HOGA1: variants seen among roughly 807,000 people sequenced by gnomAD.
HOGA1 encodes the protein 4-hydroxy-2-oxoglutarate aldolase, mitochondrial.
In HOGA1, 30 loss-of-function variants were observed where a neutral mutation model predicts 34.3. That is an observed-to-expected ratio of 0.87 (90% CI 0.65 to 1.19). The LOEUF is 1.19. Ranked by LOEUF, HOGA1 falls within the 50% of genes most tolerant of loss-of-function variation. The probability of loss-of-function intolerance (pLI) is 0.00; values close to 1 mark genes in which losing one functional copy is unlikely to be tolerated. For synonymous variants in HOGA1, 161 were observed against 174.0 expected, an observed-to-expected ratio of 0.93 and a Z score of 0.59; for missense variants, 417 against 436.5, an observed-to-expected ratio of 0.96 and a Z score of 0.40.
At chr10:97,590,023 T>G (rs773513735) in intron 1 of HOGA1, 2 of 1,614,180 alleles carry the variant, frequency 1.2e-6, no homozygotes, top group East Asian at 4.5e-5. Context: ...TTAGCCGCCT[T>G]TCCGAAGAGA....
chr10:97,602,023 G>A (rs201986855), intron 6 of HOGA1, 33 bp downstream of exon 6: 19 of 1,591,128 alleles, frequency 1.2e-5, no homozygotes, highest in Admixed American at 8.9e-5. Context: ...GCGGCCTGGC[G>A]GGGGGTGGGC....
intron 6 of HOGA1, among the ~76,000 whole-genome samples, chr10:97,606,293 C>G (rs142006895): frequency 6.6e-6 from 1 of 150,738 alleles, no homozygotes; most frequent in South Asian, 2.1e-4. Context: ...AGTGAGACTC[C>G]ATCTCAGGGA....
Position 97,611,679 on chromosome 10 carries a change from C to T in HOGA1, c.*20C>T, listed in dbSNP as rs754943111. ...CTCTGAGGGCAGGCAGGGTCCATGG[C>T]TGGCCTGAGCCCATCTCAGCCTCCT... On this transcript the variant is annotated 3_prime_UTR_variant, in exon 7 of 7. Coordinates refer to ENST00000370646, the MANE Select transcript of HOGA1 (RefSeq NM_138413.4). 3.1e-6 allele frequency: 5 copies of T among 1,606,692 alleles called. No individual in the cohort carries two copies. In the Admixed American group the frequency reaches 8.5e-5, roughly 27 times the overall value.
At chr10:97,605,121 AC>A (rs2041147025) in intron 6 of HOGA1, among the ~76,000 whole-genome samples, 1 of 152,010 alleles carries the variant, frequency 6.6e-6, no homozygotes, top group Admixed American at 6.6e-5. Flanking sequence ...TTTCTGAGAA[AC>A]TGCTGGCTGG....
chr10:97,599,124 G>A lies in HOGA1; in HGVS notation c.376G>A (p.Ala126Thr), dbSNP rs1395953286. Residue 126 changes from alanine to threonine, a missense_variant, in exon 3 of 7, where the codon GCC becomes ACC. Coordinates refer to ENST00000370646, the MANE Select transcript of HOGA1 (RefSeq NM_138413.4). The stretch of plus-strand genomic sequence containing the variant: ...CACAGTGGAGATGACCGTCAGCATG[G>A]CCCAGGTCGGGGCTGACGCGGCCAT... The part of the protein sequence containing the change: ...QATVEMTVSM[A>T]QVGADAAMVV... 3.7e-6 allele frequency: 6 copies of A among 1,613,586 alleles called. No homozygotes were observed. The highest frequency in any genetic ancestry group is 3.4e-6 in the Non-Finnish European group (4 of 1,180,038).
At chr10:97,599,486 C>T (rs547608886) in intron 3 of HOGA1, 194 bp from the exon 4 acceptor site, 154 of 787,762 alleles carry the variant, frequency 2.0e-4, no homozygotes, top group African/African-American at 1.2e-3. Flanking sequence ...TAGAACTGTG[C>T]GTGGCATATG....
At chr10:97,590,381 G>T (rs774441181) in intron 1 of HOGA1, 1 of 1,614,070 alleles carries the variant, frequency 6.2e-7, no homozygotes, top group Admixed American at 1.7e-5. Flanking sequence ...AGAGTCCAAG[G>T]ACATCAACCA....
intron 1 of HOGA1, among the ~76,000 whole-genome samples, chr10:97,593,482 A>C (rs1195832370): frequency 6.6e-6 from 1 of 152,202 alleles, no homozygotes; most frequent in Non-Finnish European, 1.5e-5. Context: ...GTCTCAAAAA[A>C]AACATAAAAA....
intron 1 of HOGA1, among the ~76,000 whole-genome samples, chr10:97,588,193 TTC>T (rs1382802225): frequency 7.2e-6 from 1 of 138,468 alleles, no homozygotes; most frequent in Non-Finnish European, 1.6e-5. Flanking sequence ...TTTTTGTTTT[TTC>T]TTTCTTTTTT....
chr10:97,609,219 GA>G (rs1299878588), intron 6 of HOGA1, among the ~76,000 whole-genome samples: 1 of 152,126 alleles, frequency 6.6e-6, no homozygotes, highest in Non-Finnish European at 1.5e-5. Flanking sequence ...CTCTGAAAAC[GA>G]AGGTCCCAGA....
At chr10:97,597,450 CG>C (rs2041080286) in intron 1 of HOGA1, among the ~76,000 whole-genome samples, 1 of 151,796 alleles carries the variant, frequency 6.6e-6, no homozygotes, top group African/African-American at 2.4e-5. Context: ...GAAAGTTAAG[CG>C]GGCTGGGCAC....
chr10:97,590,662 T>A, intron 1 of HOGA1: 1 of 1,266,786 alleles, frequency 7.9e-7, no homozygotes, highest in Non-Finnish European at 1.1e-6. Flanking sequence ...TTCTCTCCTA[T>A]GGGGCCATCT....
chr10:97,606,487 T>C (rs765364725), intron 6 of HOGA1, among the ~76,000 whole-genome samples: 11 of 152,208 alleles, frequency 7.2e-5, no homozygotes, highest in Non-Finnish European at 1.6e-4. Context: ...TCACTTGCTG[T>C]AGCATCTTTT....
intron 1 of HOGA1, among the ~76,000 whole-genome samples, chr10:97,597,941 C>T (rs2041084007): frequency 6.6e-6 from 1 of 152,164 alleles, no homozygotes; most frequent in Middle Eastern, 3.4e-3. Context: ...CAGAGTGAGA[C>T]CCTCAAAGAA....
chr10:97,602,642 C>G, intron 6 of HOGA1: 1 of 899,518 alleles, frequency 1.1e-6, no homozygotes, highest in African/African-American at 1.8e-5. Context: ...CTTCCTCCCT[C>G]CCTCCCTCCT....
intron 6 of HOGA1, chr10:97,602,665 T>TTCTCTTTC (rs1476511586): frequency 1.3e-6 from 1 of 779,760 alleles, no homozygotes; most frequent in Non-Finnish European, 1.5e-6. Flanking sequence ...CTGTCTTTCT[T>TTCTCTTTC]TCTCTTTCTC....
At chr10:97,607,333 A>C (rs2041165054) in intron 6 of HOGA1, among the ~76,000 whole-genome samples, 1 of 152,286 alleles carries the variant, frequency 6.6e-6, no homozygotes, top group South Asian at 2.1e-4. Flanking sequence ...GACACCACCC[A>C]GCTGGGAGCG....
At chr10:97,593,699 C>T (rs553125981) in intron 1 of HOGA1, among the ~76,000 whole-genome samples, 1 of 152,210 alleles carries the variant, frequency 6.6e-6, no homozygotes, top group East Asian at 1.9e-4. Flanking sequence ...ACACAGGAGG[C>T]CAGAATGCAT....
chr10:97,590,018 C>T (rs748519578), intron 1 of HOGA1: 67 of 1,614,048 alleles, frequency 4.2e-5, no homozygotes, highest in Non-Finnish European at 4.9e-5. Flanking sequence ...CCACTTTAGC[C>T]GCCTTTCCGA....
Sources: gnomAD v4.1 joint callset for allele counts (sites outside exome capture counted in the v4.1 genomes callset) on GRCh38, gnomAD v4.1.1 for gene constraint, MANE v1.5 for transcripts, NCBI Gene and HGNC (gene_info 2026-07-23, HGNC 2026-07-21) for gene names.